CADPS2: variants seen among roughly 807,000 people sequenced by gnomAD.
CADPS2 encodes the protein calcium-dependent secretion activator 2.
In CADPS2, 93 loss-of-function variants were observed where a neutral mutation model predicts 172.5. The observed-to-expected ratio is 0.54, with a 90% CI of 0.46 to 0.64. CADPS2 has a LOEUF of 0.64. Among genes scored for constraint, CADPS2 ranks in the 30% least tolerant of loss-of-function variants. The pLI, the probability that CADPS2 is intolerant of heterozygous loss-of-function variation, is 0.00. For synonymous variants in CADPS2, 546 were observed against 555.2 expected (o/e 0.98, Z 0.23); for missense variants, 1,420 against 1,565.9 (o/e 0.91, Z 1.57).
At chr7:122,615,138 AAAAC>A (rs1220583858) in intron 6 of CADPS2, 39 bp downstream of exon 6, 1 of 1,234,966 alleles carries the variant, frequency 8.1e-7, no homozygotes, top group African/African-American at 1.5e-5. Flanking sequence ...GAGGATTAAA[AAAAC>A]AAACAACAAC....
At chr7:122,627,294 A>G (rs1214515152) in intron 4 of CADPS2, among the ~76,000 whole-genome samples, 2 of 152,198 alleles carry the variant, frequency 1.3e-5, no homozygotes, top group Non-Finnish European at 2.9e-5. Context: ...AGGTCAGTCA[A>G]TTGTTATTAG....
At chr7:122,639,013 G>A (rs956950676) in intron 3 of CADPS2, among the ~76,000 whole-genome samples, 2 of 152,280 alleles carry the variant, frequency 1.3e-5, no homozygotes, top group East Asian at 1.9e-4. Flanking sequence ...TTCATAAAGC[G>A]AAATTTTCAG....
intron 9 of CADPS2, among the ~76,000 whole-genome samples, chr7:122,492,779 AG>A: frequency 6.6e-6 from 1 of 152,016 alleles, no homozygotes; most frequent in East Asian, 1.9e-4. Flanking sequence ...GGCTCATTGC[AG>A]CCTCCACCTT....
intron 2 of CADPS2, among the ~76,000 whole-genome samples, chr7:122,734,150 T>C (rs1049599086): frequency 2.0e-5 from 3 of 151,244 alleles, no homozygotes; most frequent in African/African-American, 7.3e-5. Flanking sequence ...AGCTATGCAG[T>C]ATTGGACAAG....
intron 14 of CADPS2, among the ~76,000 whole-genome samples, chr7:122,465,925 G>T (rs2055077268): frequency 6.6e-6 from 1 of 152,118 alleles, no homozygotes. Flanking sequence ...GGACGGCAAT[G>T]GTAGTGGTAA....
At chr7:122,671,976 C>T (rs773209364) in intron 2 of CADPS2, among the ~76,000 whole-genome samples, 2 of 151,906 alleles carry the variant, frequency 1.3e-5, no homozygotes, top group Non-Finnish European at 2.9e-5. Context: ...TGGACCTTGT[C>T]CATATGAAAA....
At chr7:122,361,205 C>T (rs1276124357) in intron 25 of CADPS2, among the ~76,000 whole-genome samples, 192 bp from the exon 26 acceptor site, 1 of 150,628 alleles carries the variant, frequency 6.6e-6, no homozygotes, top group African/African-American at 2.4e-5. Context: ...TTTTCTTTCC[C>T]ATGGCTGGAA....
intron 5 of CADPS2, among the ~76,000 whole-genome samples, chr7:122,618,254 T>G (rs907028411): frequency 1.3e-5 from 2 of 152,166 alleles, no homozygotes; most frequent in Non-Finnish European, 2.9e-5. Context: ...AACGGCTGTT[T>G]TTTTGATACC....
At chr7:122,713,978 G>C (rs1588670781) in intron 2 of CADPS2, among the ~76,000 whole-genome samples, 1 of 152,160 alleles carries the variant, frequency 6.6e-6, no homozygotes, top group South Asian at 2.1e-4. Flanking sequence ...TGTTGACAAA[G>C]AGCCTGGTTT....
In CADPS2 at chr7:122,718,869, C is replaced by A. The variant is rs1421460794; in HGVS notation, c.453+18086G>T. 3.3e-5 allele frequency among the ~76,000 whole-genome samples: 5 copies of A among 152,102 alleles called. No individual in the cohort carries two copies. The South Asian group carries it at 6.2e-4, about 19-fold the overall frequency. On this transcript the variant is annotated intron_variant, in intron 2 of 29. Transcript: ENST00000449022. The stretch of plus-strand genomic sequence containing the variant: ...TGTTTCTTAGAAAGAATGTGCCCAA[C>A]AATCAATGGTCATGGTGGACTCTAT...
intron 7 of CADPS2, among the ~76,000 whole-genome samples, chr7:122,557,733 A>T (rs1211188290): frequency 6.6e-6 from 1 of 152,148 alleles, no homozygotes; most frequent in Non-Finnish European, 1.5e-5. Context: ...CTTGGTGGCC[A>T]CAAGGGTGAA....
At chr7:122,620,022 G>A (rs1489621703) in intron 5 of CADPS2, among the ~76,000 whole-genome samples, 1 of 152,094 alleles carries the variant, frequency 6.6e-6, no homozygotes, top group Non-Finnish European at 1.5e-5. Context: ...CCTGAAGTTT[G>A]AATTTATCTC....
intron 9 of CADPS2, among the ~76,000 whole-genome samples, chr7:122,503,031 T>C (rs1317818121): frequency 0.037 from 56 of 1,532 alleles, no homozygotes; most frequent in East Asian, 0.25. Context: ...AGAAAAAAAC[T>C]TTTTTTTTTT....
chr7:122,345,539 T>C lies in CADPS2; in HGVS notation c.3612+35A>G, dbSNP rs138695640. The C allele has an allele frequency of 1.5e-4, 186 of 1,225,778 alleles. No homozygotes were observed. The African/African-American group carries it at 2.5e-3, about 16-fold the overall frequency. 75.9% of individuals were successfully genotyped at this position (1,225,778 alleles called of 1,614,324 possible). A position where few individuals can be genotyped will look rare whatever the true frequency, so the allele number is the denominator to read the frequency against. ...AACTTTTCTCTTTGCAGTTTATCTATGGTGTCAGCATACCTTGCAAGGGAA... is the reference window on the plus strand; with the variant it reads ...AACTTTTCTCTTTGCAGTTTATCTACGGTGTCAGCATACCTTGCAAGGGAA... On this transcript the variant is annotated intron_variant, in intron 28 of 29. Transcript: ENST00000449022.
chr7:122,423,726 G>C (rs1009929129), intron 17 of CADPS2, among the ~76,000 whole-genome samples: 1 of 152,184 alleles, frequency 6.6e-6, no homozygotes, highest in Non-Finnish European at 1.5e-5. Flanking sequence ...GCATGCATCA[G>C]AATCACCTGG....
At chr7:122,466,262 C>A (rs181871395) in intron 14 of CADPS2, among the ~76,000 whole-genome samples, 2 of 152,270 alleles carry the variant, frequency 1.3e-5, no homozygotes, top group African/African-American at 4.8e-5. Context: ...AGGAGTTGCA[C>A]AGTTTGAATG....
At chr7:122,589,060 T>A (rs1313867815) in intron 6 of CADPS2, among the ~76,000 whole-genome samples, 3 of 151,976 alleles carry the variant, frequency 2.0e-5, no homozygotes, top group African/African-American at 7.2e-5. Flanking sequence ...AGCTGTAGTA[T>A]CCTTTAGTTT....
At chr7:122,610,768 C>T (rs1238646629) in intron 6 of CADPS2, among the ~76,000 whole-genome samples, 3 of 152,084 alleles carry the variant, frequency 2.0e-5, no homozygotes, top group Non-Finnish European at 4.4e-5. Flanking sequence ...TGCACTCCCT[C>T]AAAATCTCAT....
intron 1 of CADPS2, among the ~76,000 whole-genome samples, chr7:122,803,287 G>T (rs1417039106): frequency 6.6e-6 from 1 of 152,184 alleles, no homozygotes; most frequent in Non-Finnish European, 1.5e-5. Context: ...AAAGGTAAAT[G>T]TTGCCAGCAT....
Sources: gnomAD v4.1 joint callset for allele counts (sites outside exome capture counted in the v4.1 genomes callset) on GRCh38, gnomAD v4.1.1 for gene constraint, MANE v1.5 for transcripts, NCBI Gene and HGNC (gene_info 2026-07-23, HGNC 2026-07-21) for gene names.